CCDC192: variants seen among roughly 807,000 people sequenced by gnomAD.
CCDC192 encodes coiled-coil domain-containing protein 192.
At chr5:127,838,358 G>C (rs994587019) in intron 5 of CCDC192, 2 of 152,170 alleles carry the variant, frequency 1.3e-5, no homozygotes, top group Non-Finnish European at 2.9e-5. Flanking sequence ...ATGGAAAGAT[G>C]TTATTAAAGA....
intron 3 of CCDC192, among the ~76,000 whole-genome samples, chr5:127,768,749 T>A (rs1580626090): frequency 1.3e-5 from 2 of 152,342 alleles, no homozygotes; most frequent in East Asian, 3.9e-4. Flanking sequence ...CTGTCTAGAA[T>A]GGGGTTAAGA....
intron 5 of CCDC192, among the ~76,000 whole-genome samples, chr5:127,809,125 T>G (rs1744744488): frequency 6.6e-6 from 1 of 152,200 alleles, no homozygotes; most frequent in South Asian, 2.1e-4. Context: ...TGATACAATT[T>G]TACACTGTCA....
At chr5:127,840,333 A>C (rs1750226489) in intron 5 of CCDC192, among the ~76,000 whole-genome samples, 1 of 152,226 alleles carries the variant, frequency 6.6e-6, no homozygotes, top group Non-Finnish European at 1.5e-5. Flanking sequence ...TATAATCGTC[A>C]AATTATCTCT....
intron 3 of CCDC192, among the ~76,000 whole-genome samples, chr5:127,794,411 A>T (rs970384256): frequency 6.6e-6 from 1 of 152,234 alleles, no homozygotes; most frequent in African/African-American, 2.4e-5. Flanking sequence ...GAGCTATAAT[A>T]GAATGAACCT....
intron 3 of CCDC192, among the ~76,000 whole-genome samples, chr5:127,776,847 G>A (rs572541988): frequency 3.0e-4 from 45 of 152,330 alleles, no homozygotes; most frequent in African/African-American, 9.1e-4. Context: ...TTGAGCCTGC[G>A]CGTGCAGAGA....
At chr5:127,728,383 G>A (rs373372987) in intron 2 of CCDC192, among the ~76,000 whole-genome samples, 2 of 152,270 alleles carry the variant, frequency 1.3e-5, no homozygotes, top group East Asian at 3.9e-4. Flanking sequence ...AGATTGGGGG[G>A]ACAATATTCA....
At chr5:127,929,914 T>C (rs1753971795) in intron 6 of CCDC192, among the ~76,000 whole-genome samples, 1 of 152,068 alleles carries the variant, frequency 6.6e-6, no homozygotes, top group African/African-American at 2.4e-5. Flanking sequence ...GTCCAAAAGA[T>C]GGAAAATGGC....
Position 127,820,561 on chromosome 5 carries a change from G to A in CCDC192, c.411+22399G>A, listed in dbSNP as rs529438914. On this transcript the variant is annotated intron_variant, in intron 5 of 6. Coordinates refer to ENST00000514853, the MANE Select transcript of CCDC192 (RefSeq NM_001317938.2). ...CACACCACTGCACTCCAGCCTGGGC[G>A]ACAGAGTGAGACTCCATCTCAAAAA... Among the ~76,000 whole-genome samples, 19 of 152,262 alleles carry A rather than the reference G, an allele frequency of 1.2e-4. 1 individual carries two copies. In the South Asian group the frequency reaches 3.5e-3, roughly 28 times the overall value.
At chr5:127,737,863 A>G (rs2098441904) in intron 2 of CCDC192, among the ~76,000 whole-genome samples, 2 of 152,114 alleles carry the variant, frequency 1.3e-5, no homozygotes, top group Admixed American at 6.5e-5. Flanking sequence ...CAGCACACTG[A>G]TGAGTCTTGA....
chr5:127,841,439 G>A (rs1464735248), intron 5 of CCDC192, among the ~76,000 whole-genome samples: 2 of 152,138 alleles, frequency 1.3e-5, no homozygotes, highest in African/African-American at 4.8e-5. Context: ...CAAACAAGGA[G>A]TGATTTTTTA....
chr5:127,845,574 C>G, intron 5 of CCDC192, among the ~76,000 whole-genome samples: 1 of 152,250 alleles, frequency 6.6e-6, no homozygotes, highest in Non-Finnish European at 1.5e-5. Flanking sequence ...AACAAACAAA[C>G]ACAGTTTACT....
At chr5:127,737,474 C>T (rs1437331565) in intron 2 of CCDC192, among the ~76,000 whole-genome samples, 1 of 151,510 alleles carries the variant, frequency 6.6e-6, no homozygotes, top group East Asian at 1.9e-4. Context: ...AGTTCAATTC[C>T]TGGGTATCCT....
intron 1 of CCDC192, among the ~76,000 whole-genome samples, chr5:127,704,733 T>C (rs962135810): frequency 6.6e-6 from 1 of 152,106 alleles, no homozygotes; most frequent in African/African-American, 2.4e-5. Flanking sequence ...ACTCATTTTC[T>C]TTTATTTTCC....
intron 6 of CCDC192, among the ~76,000 whole-genome samples, chr5:127,887,519 A>G (rs990470564): frequency 3.9e-5 from 6 of 152,000 alleles, no homozygotes; most frequent in Non-Finnish European, 5.9e-5. Flanking sequence ...GACCAGAACA[A>G]TTTTGATGGC....
At chr5:127,919,547 T>C (rs1753647238) in intron 6 of CCDC192, among the ~76,000 whole-genome samples, 1 of 152,202 alleles carries the variant, frequency 6.6e-6, no homozygotes, top group South Asian at 2.1e-4. Flanking sequence ...AGTCACTCTC[T>C]TGTCTCAGTG....
intron 3 of CCDC192, among the ~76,000 whole-genome samples, chr5:127,795,991 TC>T (rs1757145318): frequency 6.6e-6 from 1 of 152,098 alleles, no homozygotes; most frequent in South Asian, 2.1e-4. Flanking sequence ...ACATGTGTGT[TC>T]CCTCTAACCC....
At chr5:127,720,939 G>T (rs904903528) in intron 2 of CCDC192, among the ~76,000 whole-genome samples, 2 of 152,200 alleles carry the variant, frequency 1.3e-5, no homozygotes, top group African/African-American at 4.8e-5. Flanking sequence ...CAGGACCTTG[G>T]GCCTGGCCAC....
At chr5:127,717,172 G>A (rs1751670742) in intron 2 of CCDC192, among the ~76,000 whole-genome samples, 1 of 152,032 alleles carries the variant, frequency 6.6e-6, no homozygotes, top group South Asian at 2.1e-4. Flanking sequence ...AAACTTCAGG[G>A]AAGTAAAATA....
chr5:127,908,916 A>G (rs1014409937), intron 6 of CCDC192, among the ~76,000 whole-genome samples: 2 of 152,208 alleles, frequency 1.3e-5, no homozygotes, highest in Non-Finnish European at 2.9e-5. Flanking sequence ...ATATCTTCAT[A>G]GGTTGAGTTG....
Sources: allele counts gnomAD v4.1 joint callset (sites outside exome capture counted in the v4.1 genomes callset), GRCh38; gene constraint gnomAD v4.1.1; transcripts MANE v1.5; gene names NCBI Gene and HGNC (gene_info 2026-07-23, HGNC 2026-07-21).